Variants in IGSF9 observed in about 807,000 individuals in gnomAD.
IGSF9 encodes immunoglobulin superfamily member 9.
In IGSF9, 87 loss-of-function variants were observed where a neutral mutation model predicts 121.7. The ratio of observed to expected loss-of-function variants is 0.71; its 90% CI spans 0.60 to 0.85. The LOEUF is 0.85. Among genes scored for constraint, IGSF9 ranks in the 40% least tolerant of loss-of-function variants. IGSF9 has a pLI of 0.00. For missense variants in IGSF9, 1,462 were observed against 1,565.3 expected (o/e 0.93, Z 1.11); for synonymous variants, 640 against 648.4 (o/e 0.99, Z 0.20).
chr1:159,934,822 C>A lies in IGSF9; in HGVS notation c.674G>T (p.Gly225Val). The A allele has an allele frequency of 3.7e-6, 6 of 1,613,992 alleles. No individual in the cohort carries two copies. In the South Asian group the frequency reaches 6.6e-5, roughly 18 times the overall value. The change falls in exon 7 of 21, where the codon GGA becomes GTA. Residue 225 changes from glycine to valine, a missense_variant and splice_region_variant. This residue lies in a region of IGSF9 where 558 missense variants were observed against 599.4 expected (regional missense o/e 0.93). Coordinates refer to ENST00000368094, the MANE Select transcript of IGSF9 (RefSeq NM_001135050.2). Reference sequence around the variant, plus strand: ...GGGGGGCACCACGATGACTGGGGGTCCTGTGGGATGCACAAGGGGAGGAAG... The same window carrying A: ...GGGGGGCACCACGATGACTGGGGGTACTGTGGGATGCACAAGGGGAGGAAG... ...ATHATQLLVL[G>V]PPVIVVPPKN... is the part of the protein sequence containing the mutation.
Position 159,928,538 on chromosome 1 carries a change from A to G in IGSF9, c.2850T>C (p.Ala950=), listed in dbSNP as rs1404792283. ...GGGTATCCATGTAATCTGGGGGTGC[A>G]GCAGGGCTGGGCTCCTCAAGCGGGG... ...DWPPLEEPSP[A]APPDYMDTRR... The change falls in exon 19 of 21, where the codon GCT becomes GCC. Residue 950 remains alanine (A), a synonymous_variant. Coordinates refer to ENST00000368094, the MANE Select transcript of IGSF9 (RefSeq NM_001135050.2). 4 of 1,557,066 alleles carry G rather than the reference A, an allele frequency of 2.6e-6. No homozygotes were observed. The Admixed American group carries it at 7.6e-5, about 30-fold the overall frequency.
chr1:159,930,777 G>A lies in IGSF9; in HGVS notation c.1728C>T (p.Pro576=), dbSNP rs747239636. The change falls in exon 14 of 21, where the codon CCC becomes CCT. Residue 576 remains proline (P), a synonymous_variant. Transcript: ENST00000368094. ...AAHLLVPGLQ[P]HTQYQFSVLA... ...GCACGCTGAACTGGTACTGGGTGTG[G>A]GGCTGCAGCCCTGGCACTAGGAGGT... 3 of 1,614,096 alleles carry A rather than the reference G, an allele frequency of 1.9e-6. No individual in the cohort carries two copies. The South Asian group carries it at 3.3e-5, about 18-fold the overall frequency.
intron 17 of IGSF9, 90 bp from the exon 18 acceptor site, chr1:159,929,483 C>A (rs1650892369): frequency 6.5e-7 from 1 of 1,535,656 alleles, no homozygotes; most frequent in African/African-American, 1.4e-5. Flanking sequence ...GCGCCCAACC[C>A]CATCCGGCTG....
chr1:159,943,484 C>G lies in IGSF9; in HGVS notation c.-30G>C, dbSNP rs1345700556. ...CAGCTGGCCTGCTCACCCAGCCCCT[C>G]CTATCCACAGGAGCCCAGATGGAGG... On this transcript the variant is annotated 5_prime_UTR_variant, in exon 2 of 21. Coordinates refer to ENST00000368094, the MANE Select transcript of IGSF9 (RefSeq NM_001135050.2). 5.2e-6 allele frequency: 8 copies of G among 1,527,836 alleles called. No individual in the cohort carries two copies. The Admixed American group carries it at 6.6e-5, about 13-fold the overall frequency. The allele number at this position is 1,527,836 out of a possible 1,614,324, so 94.6% of individuals were successfully genotyped here.
intron 4 of IGSF9, 23 bp from the exon 5 acceptor site, chr1:159,936,931 G>T: frequency 6.2e-7 from 1 of 1,612,812 alleles, no homozygotes; most frequent in Non-Finnish European, 8.5e-7. Context: ...CAGGCATCAG[G>T]GGCCCCAGTG....
chr1:159,941,994 C>T (rs982346369), intron 3 of IGSF9, among the ~76,000 whole-genome samples: 11 of 152,236 alleles, frequency 7.2e-5, no homozygotes, highest in Non-Finnish European at 1.0e-4. Flanking sequence ...CAGCCAATCC[C>T]GGGGTTTCCC....
intron 5 of IGSF9, 27 bp downstream of exon 5, chr1:159,936,727 C>A: frequency 6.2e-7 from 1 of 1,612,614 alleles, no homozygotes; most frequent in Non-Finnish European, 8.5e-7. Context: ...CTCTATATGG[C>A]TCACTCTGTC....
intron 6 of IGSF9, 112 bp downstream of exon 6, chr1:159,936,287 C>T: frequency 3.2e-6 from 3 of 938,912 alleles, no homozygotes; most frequent in Non-Finnish European, 5.1e-6. Context: ...TTCCACGGGC[C>T]CTGCCCTCAG....
chr1:159,943,349 C>A, intron 2 of IGSF9, 48 bp downstream of exon 2: 2 of 1,493,968 alleles, frequency 1.3e-6, no homozygotes, highest in Non-Finnish European at 1.8e-6. Flanking sequence ...ACCCCCATAC[C>A]CACCCCAAGG....
chr1:159,932,437 T>G lies in IGSF9; in HGVS notation c.1245+75A>C. The G allele has an allele frequency of 2.8e-5, 17 of 601,400 alleles. No individual in the cohort carries two copies. Among genetic ancestry groups the G allele is most frequent in the East Asian group, 8.6e-5 (2 of 23,266 alleles). The allele number at this position is 601,400 out of a possible 1,614,324, so 37.3% of individuals were successfully genotyped here. ...ATGTGTCTGCCCCACCCCACCCCCATCAGCCTGGCCTTAGCACCATCTCCA... is the reference window on the plus strand; with the variant it reads ...ATGTGTCTGCCCCACCCCACCCCCAGCAGCCTGGCCTTAGCACCATCTCCA... On this transcript the variant is annotated intron_variant, in intron 10 of 20. Coordinates refer to ENST00000368094, the MANE Select transcript of IGSF9 (RefSeq NM_001135050.2). This position sits in a 1 kb window ranked among gnomAD's most constrained non-coding sequence, Gnocchi z 4.1.
Position 159,936,413 on chromosome 1 carries a change from T to C in IGSF9, c.659A>G (p.Gln220Arg), listed in dbSNP as rs769865566. 5.0e-6 allele frequency: 8 copies of C among 1,613,800 alleles called. No homozygotes were observed. In the South Asian group the frequency reaches 5.5e-5, roughly 11 times the overall value. The change falls in exon 6 of 21, where the codon CAG (glutamine) becomes CGG (arginine). Residue 220 changes from glutamine (Q) to arginine (R), a missense_variant. Physicochemically the swap from Gln to Arg is conservative, Grantham distance 43. Transcript: ENST00000368094. Reference protein sequence around the residue: ...STEGSATHATQLLVLGPPVIV... With the variant: ...STEGSATHATRLLVLGPPVIV... Reference sequence around the variant, plus strand: ...CCAGAGAGCACCTAGCACTAGCAGCTGGGTGGCGTGGGTGGCGCTGCCCTC... The same window carrying C: ...CCAGAGAGCACCTAGCACTAGCAGCCGGGTGGCGTGGGTGGCGCTGCCCTC...
intron 15 of IGSF9, 55 bp from the exon 16 acceptor site, chr1:159,930,030 CAGCGGG>C: frequency 1.3e-6 from 2 of 1,576,788 alleles, no homozygotes; most frequent in Non-Finnish European, 1.7e-6. Flanking sequence ...CCGCCCAACC[CAGCGGG>C]GCGCGGAAAG....
At position 159,927,893 on chromosome 1, in the gene IGSF9, A is replaced by T. The variant is rs1283082543; in HGVS notation, c.3231-6T>A. ...CGTCCACAGATGTGTTCCTCCTGTA[A>T]AAAAAAAAAAAAAGACAAACATATG... On this transcript the variant is annotated splice_polypyrimidine_tract_variant and splice_region_variant and intron_variant, in intron 19 of 20. Coordinates refer to ENST00000368094, the MANE Select transcript of IGSF9 (RefSeq NM_001135050.2). 3 of 3,798 alleles carry T rather than the reference A, an allele frequency of 7.9e-4. No homozygotes were observed. Among genetic ancestry groups the T allele is most frequent in the Admixed American group, 0.011 (1 of 92 alleles). 0.2% of individuals were successfully genotyped at this position (3,798 alleles called of 1,614,324 possible).
intron 2 of IGSF9, 62 bp from the exon 3 acceptor site, chr1:159,943,213 G>T: frequency 1.4e-6 from 2 of 1,431,090 alleles, no homozygotes; most frequent in Non-Finnish European, 9.4e-7. Context: ...GAGGGGGAGT[G>T]CCATCAGTAT....
chr1:159,936,959 A>G (rs1318571373), intron 4 of IGSF9, 51 bp from the exon 5 acceptor site: 1 of 1,595,298 alleles, frequency 6.3e-7, no homozygotes, highest in Non-Finnish European at 8.6e-7. Context: ...CAGCCCAAAA[A>G]GCAGTGTCCA....
intron 3 of IGSF9, among the ~76,000 whole-genome samples, chr1:159,942,521 G>A (rs868498692): frequency 3.9e-5 from 6 of 152,170 alleles, no homozygotes; most frequent in Non-Finnish European, 8.8e-5. Context: ...CATTTAAGAC[G>A]ATGAGGAAGG....
In IGSF9 at chr1:159,927,425, G is replaced by A. The variant is rs767665145; in HGVS notation, c.3460C>T (p.Arg1154Cys). Residue 1154 changes from arginine to cysteine, a missense_variant, in exon 21 of 21, where the codon CGC becomes TGC. Around this residue, in one of 3 missense-constraint regions of IGSF9, gnomAD observed 808 missense variants for 815.2 expected, o/e 0.99. Coordinates refer to ENST00000368094, the MANE Select transcript of IGSF9 (RefSeq NM_001135050.2). The part of the protein sequence containing the change: ...ALREEFLAFR[R>C]RRDATRARLP... ...CGAGCCCTAGTAGCATCTCGGCGGCGGCGGAAGGCCAGGAATTCCTCCCGA... is the reference window on the plus strand; with the variant it reads ...CGAGCCCTAGTAGCATCTCGGCGGCAGCGGAAGGCCAGGAATTCCTCCCGA... 10 of 1,613,962 alleles carry A rather than the reference G, an allele frequency of 6.2e-6. No homozygotes were observed. Among genetic ancestry groups the A allele is most frequent in the Admixed American group, 3.3e-5 (2 of 60,004 alleles).
rs766060966 is a variant in IGSF9, at chr1:159,942,952, A to G, written c.247+11T>C. On this transcript the variant is annotated intron_variant, in intron 3 of 20. Transcript: ENST00000368094. ...ATACCTCCCTACCTCCCACCTGAGG[A>G]GAACTCTTACCCACGTAATCAGGGT... 6.2e-7 allele frequency: 1 copy of G among 1,609,550 alleles called. No homozygotes were observed. The highest frequency in any genetic ancestry group is 1.1e-5 in the South Asian group (1 of 90,540).
At position 159,943,535 on chromosome 1, in the gene IGSF9, C is replaced by G; in HGVS notation, c.-81G>C. ...GGCCAAGGGATGTCCTTCTGATCAG[C>G]TCAGGGAACAGGTTTCAGCTCTCAC... On this transcript the variant is annotated 5_prime_UTR_variant, in exon 2 of 21. Transcript: ENST00000368094. 1 of 1,347,738 alleles carries G rather than the reference C, an allele frequency of 7.4e-7. No individual in the cohort carries two copies. Among genetic ancestry groups the G allele is most frequent in the African/African-American group, 1.5e-5 (1 of 67,622 alleles). 83.5% of individuals were successfully genotyped at this position (1,347,738 alleles called of 1,614,324 possible).
Sources: gnomAD v4.1 joint callset for allele counts (sites outside exome capture counted in the v4.1 genomes callset) on GRCh38, gnomAD v4.1.1 for gene constraint, gnomAD v4.1.1 regional missense constraint, Gnocchi (gnomAD v3.1) non-coding constraint, MANE v1.5 for transcripts, NCBI Gene and HGNC (gene_info 2026-07-23, HGNC 2026-07-21) for gene names.